PGGT1B: variants seen among roughly 807,000 people sequenced by gnomAD.
The protein encoded by PGGT1B is geranylgeranyl transferase type-1 subunit beta.
Under a neutral mutation model 46.1 loss-of-function variants are expected in PGGT1B, and 30 were observed. That is an observed-to-expected ratio of 0.65 (90% confidence interval 0.49 to 0.88). PGGT1B has a LOEUF of 0.88. PGGT1B is among the 40% of genes least tolerant of loss of function. The probability of loss-of-function intolerance (pLI) is 0.00; values close to 1 mark genes in which losing one functional copy is unlikely to be tolerated. For synonymous variants in PGGT1B, 170 were observed against 160.0 expected, an observed-to-expected ratio of 1.06 and a Z score of -0.47; for missense variants, 376 against 455.9, an observed-to-expected ratio of 0.82 and a Z score of 1.60.
chr5:115,227,381 A>G (rs1014042276), intron 6 of PGGT1B, among the ~76,000 whole-genome samples: 10 of 152,298 alleles, frequency 6.6e-5, no homozygotes, highest in East Asian at 3.9e-4. Context: ...AGTAACACTC[A>G]TTACCCTGGT....
At chr5:115,237,311 T>C (rs1757214005) in intron 4 of PGGT1B, among the ~76,000 whole-genome samples, 2 of 152,182 alleles carry the variant, frequency 1.3e-5, no homozygotes, top group South Asian at 4.1e-4. Context: ...CACTACTGCT[T>C]TATCGCTTCT....
At chr5:115,229,834 A>T (rs1756922952) in intron 6 of PGGT1B, among the ~76,000 whole-genome samples, 2 of 152,104 alleles carry the variant, frequency 1.3e-5, no homozygotes, top group South Asian at 4.1e-4. Context: ...CATCTCATAG[A>T]GACTCAGGCA....
rs1756203579 is a variant in PGGT1B, at chr5:115,211,030, A to T, written c.*1372T>A. 1 of 152,110 alleles carries T rather than the reference A, an allele frequency of 6.6e-6. No individual in the cohort carries two copies. Among genetic ancestry groups the T allele is most frequent in the African/African-American group, 2.4e-5 (1 of 41,454 alleles). 9.4% of individuals were successfully genotyped at this position (152,110 alleles called of 1,614,324 possible). A position where few individuals can be genotyped will look rare whatever the true frequency, so the allele number is the denominator to read the frequency against. On this transcript the variant is annotated 3_prime_UTR_variant, in exon 9 of 9. Transcript: ENST00000419445. ...TCCCTCTGATTTAGAAAAAAAGATA[A>T]CATTTAAAGTATTACAATGCCTAAA...
At chr5:115,257,992 A>C (rs1748396332) in intron 1 of PGGT1B, among the ~76,000 whole-genome samples, 1 of 152,248 alleles carries the variant, frequency 6.6e-6, no homozygotes, top group African/African-American at 2.4e-5. Flanking sequence ...ATTATTCTTC[A>C]TTTATAATTA....
chr5:115,223,805 C>G (rs569057568), intron 6 of PGGT1B, among the ~76,000 whole-genome samples: 11 of 152,190 alleles, frequency 7.2e-5, no homozygotes, highest in Admixed American at 2.6e-4. Flanking sequence ...ACACTTTTTA[C>G]TGGCACTATT....
intron 1 of PGGT1B, among the ~76,000 whole-genome samples, chr5:115,258,295 CCTT>C (rs1748408803): frequency 6.6e-6 from 1 of 152,184 alleles, no homozygotes; most frequent in South Asian, 2.1e-4. Flanking sequence ...TCCTGGGACT[CCTT>C]CTTTTTCTTC....
rs1756180099 is a variant in PGGT1B, at chr5:115,210,140, T to A, written c.*2262A>T. 6.6e-6 allele frequency: 1 copy of A among 152,124 alleles called. No homozygotes were observed. Among genetic ancestry groups the A allele is most frequent in the African/African-American group, 2.4e-5 (1 of 41,434 alleles). 9.4% of individuals were successfully genotyped at this position (152,124 alleles called of 1,614,324 possible). A position where few individuals can be genotyped will look rare whatever the true frequency, so the allele number is the denominator to read the frequency against. Reference sequence around the variant, plus strand: ...GTTAAATTAGGCCATATGATCTGATTAATCTCATTTGTACACAGATGCTCA... The same window carrying A: ...GTTAAATTAGGCCATATGATCTGATAAATCTCATTTGTACACAGATGCTCA... On this transcript the variant is annotated 3_prime_UTR_variant, in exon 9 of 9. Coordinates refer to ENST00000419445, the MANE Select transcript of PGGT1B (RefSeq NM_005023.4).
At chr5:115,233,904 C>A (rs1757081981) in intron 5 of PGGT1B, among the ~76,000 whole-genome samples, 1 of 151,890 alleles carries the variant, frequency 6.6e-6, no homozygotes, top group Non-Finnish European at 1.5e-5. Flanking sequence ...ATTACATATG[C>A]ATTTACCTTT....
At chr5:115,221,527 T>C (rs1324008724) in intron 7 of PGGT1B, among the ~76,000 whole-genome samples, 1 of 152,072 alleles carries the variant, frequency 6.6e-6, no homozygotes, top group Admixed American at 6.6e-5. Flanking sequence ...ACTTTTTTAT[T>C]ACCTTATACC....
intron 5 of PGGT1B, among the ~76,000 whole-genome samples, chr5:115,233,456 A>C (rs1186391642): frequency 6.6e-6 from 1 of 151,658 alleles, no homozygotes; most frequent in Middle Eastern, 3.2e-3. Flanking sequence ...TAAGTCAAAA[A>C]GGTCAAAGAG....
chr5:115,260,132 G>C (rs745930594), intron 1 of PGGT1B, among the ~76,000 whole-genome samples: 2 of 152,062 alleles, frequency 1.3e-5, no homozygotes, highest in African/African-American at 4.8e-5. Flanking sequence ...TGAAACCGCA[G>C]ACAATACACT....
intron 2 of PGGT1B, among the ~76,000 whole-genome samples, chr5:115,242,033 T>C (rs1370120054): frequency 1.3e-5 from 2 of 152,188 alleles, no homozygotes; most frequent in Non-Finnish European, 2.9e-5. Flanking sequence ...ATTTAGTGTG[T>C]TTTTACTTTA....
chr5:115,256,990 G>C (rs984164712), intron 1 of PGGT1B, among the ~76,000 whole-genome samples: 2 of 152,144 alleles, frequency 1.3e-5, no homozygotes, highest in East Asian at 1.9e-4. Flanking sequence ...TCTGCAGCCT[G>C]AGAAGTGTAA....
At chr5:115,244,139 G>C in intron 2 of PGGT1B, among the ~76,000 whole-genome samples, 1 of 152,006 alleles carries the variant, frequency 6.6e-6, no homozygotes, top group East Asian at 1.9e-4. Flanking sequence ...AATTAACAGG[G>C]AACAGAAATC....
At chr5:115,221,651 A>G (rs1184923099) in intron 7 of PGGT1B, among the ~76,000 whole-genome samples, 173 bp downstream of exon 7, 1 of 152,092 alleles carries the variant, frequency 6.6e-6, no homozygotes, top group Non-Finnish European at 1.5e-5. Context: ...AGCACAAGAG[A>G]TCACTGATTT....
At position 115,204,461 on chromosome 5, in the gene PGGT1B, G is replaced by T. The variant is rs1169990092; in HGVS notation, c.*7941C>A. The T allele has an allele frequency of 6.6e-6, 1 of 152,022 alleles. No individual in the cohort carries two copies. The highest frequency in any genetic ancestry group is 1.5e-5 in the Non-Finnish European group (1 of 68,014). The allele number at this position is 152,022 out of a possible 1,614,324, so 9.4% of individuals were successfully genotyped here. A position where few individuals can be genotyped will look rare whatever the true frequency, so the allele number is the denominator to read the frequency against. The stretch of plus-strand genomic sequence containing the variant: ...TTTCACTCTCAAAGGCATACAGTTG[G>T]CATTAATTCATACAGCACATATAAA... On this transcript the variant is annotated 3_prime_UTR_variant, in exon 9 of 9. Transcript: ENST00000419445.
At chr5:115,249,160 A>G (rs1747980896) in intron 2 of PGGT1B, among the ~76,000 whole-genome samples, 1 of 151,328 alleles carries the variant, frequency 6.6e-6, no homozygotes, top group African/African-American at 2.4e-5. Flanking sequence ...CCCCTCCACA[A>G]AGATTTTCTA....
At chr5:115,240,238 A>G (rs1313453746) in intron 3 of PGGT1B, among the ~76,000 whole-genome samples, 1 of 152,158 alleles carries the variant, frequency 6.6e-6, no homozygotes, top group East Asian at 1.9e-4. Flanking sequence ...ACCAAGGGCA[A>G]TAATGGTTTT....
chr5:115,248,905 T>C (rs540516598), intron 2 of PGGT1B, among the ~76,000 whole-genome samples: 67 of 152,336 alleles, frequency 4.4e-4, no homozygotes, highest in Middle Eastern at 3.4e-3. Flanking sequence ...AATTATAAAA[T>C]AGTAAATAAT....
Sources: gnomAD v4.1 joint callset for allele counts (sites outside exome capture counted in the v4.1 genomes callset) on GRCh38, gnomAD v4.1.1 for gene constraint, MANE v1.5 for transcripts, NCBI Gene and HGNC (gene_info 2026-07-23, HGNC 2026-07-21) for gene names.